CEP170: variants seen among roughly 807,000 people sequenced by gnomAD.
CEP170 encodes centrosomal protein of 170 kDa.
In CEP170, 21 loss-of-function variants were observed where a neutral mutation model predicts 151.9. The observed-to-expected ratio is 0.14, with a 90% confidence interval of 0.10 to 0.20. The LOEUF is 0.20. Among genes scored for constraint, CEP170 ranks in the 10% least tolerant of loss-of-function variants. The pLI is 1.00. For missense variants in CEP170, 964 were observed against 1,892.9 expected, an observed-to-expected ratio of 0.51 and a Z score of 9.11; for synonymous variants, 356 against 648.8, an observed-to-expected ratio of 0.55 and a Z score of 6.86.
At chr1:243,247,686 T>C in intron 1 of CEP170, among the ~76,000 whole-genome samples, 1 of 152,258 alleles carries the variant, frequency 6.6e-6, no homozygotes, top group African/African-American at 2.4e-5. Flanking sequence ...AGCCCTTTTC[T>C]CTACCCTCAA....
chr1:243,149,748 C>T (rs2056883492), intron 14 of CEP170, among the ~76,000 whole-genome samples: 1 of 152,128 alleles, frequency 6.6e-6, no homozygotes, highest in South Asian at 2.1e-4. Flanking sequence ...GACTTGTTAG[C>T]TGAATTGCAA....
intron 14 of CEP170, among the ~76,000 whole-genome samples, chr1:243,143,758 G>C (rs562494400): frequency 6.6e-6 from 1 of 150,728 alleles, no homozygotes; most frequent in Non-Finnish European, 1.5e-5. Flanking sequence ...GAGCCTAGGA[G>C]GTCTGGTTAT....
At chr1:243,148,796 C>T (rs1396617663) in intron 14 of CEP170, among the ~76,000 whole-genome samples, 1 of 152,030 alleles carries the variant, frequency 6.6e-6, no homozygotes, top group African/African-American at 2.4e-5. Flanking sequence ...TCTCTTCCAT[C>T]AGTGGAAACT....
chr1:243,136,950 G>A (rs2055161381), intron 16 of CEP170, among the ~76,000 whole-genome samples: 1 of 152,132 alleles, frequency 6.6e-6, no homozygotes, highest in Non-Finnish European at 1.5e-5. Context: ...TGTACTGAGT[G>A]TTGGTATTAC....
intron 4 of CEP170, among the ~76,000 whole-genome samples, chr1:243,203,735 C>T (rs1340045081): frequency 1.3e-5 from 2 of 151,534 alleles, no homozygotes; most frequent in Admixed American, 6.6e-5. Context: ...TTAAGGTTAC[C>T]CAAAAATGTT....
intron 1 of CEP170, among the ~76,000 whole-genome samples, chr1:243,227,261 T>C (rs1210170938): frequency 1.5e-5 from 2 of 136,070 alleles, no homozygotes; most frequent in South Asian, 3.0e-4. Flanking sequence ...AATATTATCA[T>C]TGGTCAAAAA....
intron 1 of CEP170, among the ~76,000 whole-genome samples, chr1:243,246,634 C>T (rs2065431573): frequency 1.3e-5 from 2 of 151,796 alleles, no homozygotes; most frequent in Non-Finnish European, 2.9e-5. Context: ...AAGTTAGAGC[C>T]AGAAAGTTTA....
chr1:243,235,096 G>A (rs1030381768), intron 1 of CEP170, among the ~76,000 whole-genome samples: 6 of 152,060 alleles, frequency 3.9e-5, no homozygotes, highest in South Asian at 2.1e-4. Context: ...AGCACTATAA[G>A]ATACTGGGGA....
chr1:243,163,229 A>G (rs1572366647), intron 13 of CEP170: 2 of 152,384 alleles, frequency 1.3e-5, no homozygotes, highest in South Asian at 2.1e-4. Flanking sequence ...ATGAAATTTC[A>G]TATCAACTTC....
intron 17 of CEP170, among the ~76,000 whole-genome samples, chr1:243,131,579 T>C (rs1312235499): frequency 6.6e-6 from 1 of 152,034 alleles, no homozygotes; most frequent in Non-Finnish European, 1.5e-5. Flanking sequence ...ATTTTGGCAT[T>C]ATGAAATAAA....
intron 2 of CEP170, 42 bp downstream of exon 2, chr1:243,225,134 A>C: frequency 2.4e-6 from 3 of 1,228,500 alleles, no homozygotes; most frequent in Non-Finnish European, 3.3e-6. Flanking sequence ...CACTAATTTC[A>C]AGTTTTGAAT....
At chr1:243,157,859 C>T (rs1007799554) in intron 13 of CEP170, among the ~76,000 whole-genome samples, 1 of 152,166 alleles carries the variant, frequency 6.6e-6, no homozygotes, top group Admixed American at 6.5e-5. Context: ...ATTCACACCC[C>T]TATTTACAGA....
intron 17 of CEP170, among the ~76,000 whole-genome samples, chr1:243,134,471 C>G (rs1459382285): frequency 1.3e-5 from 2 of 152,112 alleles, no homozygotes; most frequent in Non-Finnish European, 2.9e-5. Flanking sequence ...ACAAGGTACT[C>G]TTTACGAAAA....
At chr1:243,168,436 T>G (rs1323535244) in intron 12 of CEP170, 3 of 152,052 alleles carry the variant, frequency 2.0e-5, no homozygotes, top group Non-Finnish European at 4.4e-5. Context: ...TCAACTTGGA[T>G]AAGTTTTTTA....
intron 4 of CEP170, among the ~76,000 whole-genome samples, chr1:243,208,134 C>G (rs887263293): frequency 6.6e-6 from 1 of 152,050 alleles, no homozygotes; most frequent in Non-Finnish European, 1.5e-5. Flanking sequence ...TACATCCAGT[C>G]TAATCAGAAA....
At position 243,126,259 on chromosome 1, in the gene CEP170, G is replaced by T. The variant is rs1264245195; in HGVS notation, c.*190C>A. ...CTTTTTCCTATTTGTGCATCAAGTGGTTATCTAAATAGTTTGAAAGGATTG... is the reference window on the plus strand; with the variant it reads ...CTTTTTCCTATTTGTGCATCAAGTGTTTATCTAAATAGTTTGAAAGGATTG... On this transcript the variant is annotated 3_prime_UTR_variant, in exon 20 of 20. Coordinates refer to ENST00000366542, the MANE Select transcript of CEP170 (RefSeq NM_014812.3). 2.2e-5 allele frequency: 16 copies of T among 718,692 alleles called. No homozygotes were observed. In the East Asian group the frequency reaches 4.5e-4, roughly 20 times the overall value. The allele number at this position is 718,692 out of a possible 1,614,324, so 44.5% of individuals were successfully genotyped here.
rs188846170 is a variant in CEP170, at chr1:243,180,461, A to C, written c.1566+5318T>G. Among the ~76,000 whole-genome samples the C allele has an allele frequency of 2.5e-4, 38 of 152,248 alleles. No homozygotes were observed. In the East Asian group the frequency reaches 6.4e-3, roughly 26 times the overall value. On this transcript the variant is annotated intron_variant, in intron 10 of 19. Coordinates refer to ENST00000366542, the MANE Select transcript of CEP170 (RefSeq NM_014812.3). Reference sequence around the variant, plus strand: ...CTCCTGGTAGAAATTAAAAAGAAAAAATTCTCAATACAGAAAAAATTGCTC... The same window carrying C: ...CTCCTGGTAGAAATTAAAAAGAAAACATTCTCAATACAGAAAAAATTGCTC...
At chr1:243,166,806 A>T (rs1448319169) in intron 12 of CEP170, among the ~76,000 whole-genome samples, 1 of 152,092 alleles carries the variant, frequency 6.6e-6, no homozygotes, top group Non-Finnish European at 1.5e-5. Flanking sequence ...ATGTTTTGAT[A>T]TATGTATACC....
chr1:243,211,668 AGG>A (rs1013020448), intron 4 of CEP170: 1 of 480,666 alleles, frequency 2.1e-6, no homozygotes, highest in Non-Finnish European at 3.7e-6. Context: ...AGAGAGAGAG[AGG>A]GAAAAAAAAA....
Sources: allele counts gnomAD v4.1 joint callset (sites outside exome capture counted in the v4.1 genomes callset), GRCh38; gene constraint gnomAD v4.1.1; transcripts MANE v1.5; gene names NCBI Gene and HGNC (gene_info 2026-07-23, HGNC 2026-07-21).